RGS6: variants seen among roughly 807,000 people sequenced by gnomAD.
The protein encoded by RGS6 is regulator of G-protein signaling 6.
Under a neutral mutation model 78.5 loss-of-function variants are expected in RGS6, and 30 were observed. That is an observed-to-expected ratio of 0.38 (90% CI 0.29 to 0.52). The LOEUF is 0.52. Ranked by LOEUF, RGS6 falls within the 20% of genes least tolerant of loss-of-function variation. The pLI, the probability that RGS6 is intolerant of heterozygous loss-of-function variation, is 0.85. For missense variants in RGS6, 495 were observed against 609.7 expected (o/e 0.81, Z 1.98); for synonymous variants, 206 against 206.0 (o/e 1.00, Z 0.00).
At chr14:72,511,996 C>T (rs934437086) in intron 14 of RGS6, among the ~76,000 whole-genome samples, 1 of 152,166 alleles carries the variant, frequency 6.6e-6, no homozygotes, top group Admixed American at 6.5e-5. Flanking sequence ...GGAAGGAAGG[C>T]TCTCTGTGGC....
At chr14:71,997,426 T>C (rs1236548992) in intron 2 of RGS6, among the ~76,000 whole-genome samples, 1 of 152,230 alleles carries the variant, frequency 6.6e-6, no homozygotes, top group Non-Finnish European at 1.5e-5. Flanking sequence ...GGGTCAGGGC[T>C]TCATAGCCTA....
At chr14:71,885,789 C>T in the RGS6 span, among the ~76,000 whole-genome samples, 1 of 152,300 alleles carries the variant, frequency 6.6e-6, no homozygotes, top group African/African-American at 2.4e-5. Context: ...TTAGAGAAGA[C>T]CCTGTCCTTT....
At chr14:72,448,979 T>A (rs865987685) in intron 3 of RGS6, among the ~76,000 whole-genome samples, 31 of 152,332 alleles carry the variant, frequency 2.0e-4, no homozygotes, top group African/African-American at 7.5e-4. Flanking sequence ...AGTGCCCAGC[T>A]CTGGCCTGGT....
At position 72,146,092 on chromosome 14, in the gene RGS6, G is replaced by A. The variant is rs149639627; in HGVS notation, c.84+181217G>A. 6.3e-3 allele frequency among the ~76,000 whole-genome samples: 964 copies of A among 152,232 alleles called. 13 individuals are homozygous for A. The highest frequency in any genetic ancestry group is 0.022 in the African/African-American group (895 of 41,526). On this transcript the variant is annotated intron_variant, in intron 2 of 17. Transcript: ENST00000553525. Reference sequence around the variant, plus strand: ...GAACCTTCTTGCTCTATCATCTCATGGTGGAGGGCAGGAAAGCAAGAGAGC... The same window carrying A: ...GAACCTTCTTGCTCTATCATCTCATAGTGGAGGGCAGGAAAGCAAGAGAGC...
rs1167831473 is a variant in RGS6 at position 72,402,790 on chromosome 14, G to GTTTT, written c.184+50617_184+50620dup. 2.4e-3 allele frequency among the ~76,000 whole-genome samples: 179 copies of GTTTT among 75,808 alleles called. 2 individuals are homozygous for GTTTT. Among genetic ancestry groups the GTTTT allele is most frequent in the East Asian group, 7.2e-3 (16 of 2,210 alleles). The allele number at this position is 75,808 out of a possible 152,430, so 49.7% of individuals were successfully genotyped here. ...TTGTTTTATATTTTTTGTTTTTTTG[G>GTTTT]TTTTTTTTTTTTTTTTTTTTTTTTG... is the stretch of plus-strand genomic sequence containing the variant. On this transcript the variant is annotated intron_variant, in intron 3 of 17. Transcript: ENST00000553525.
intron 2 of RGS6, among the ~76,000 whole-genome samples, chr14:72,022,699 C>A (rs1295408309): frequency 2.9e-5 from 1 of 34,322 alleles, no homozygotes; most frequent in South Asian, 1.7e-3. Flanking sequence ...GACCCTGGTT[C>A]GCTCTTTCAC....
chr14:72,363,169 A>G (rs1046195151), intron 3 of RGS6, among the ~76,000 whole-genome samples: 6 of 152,192 alleles, frequency 3.9e-5, no homozygotes, highest in African/African-American at 1.4e-4. Flanking sequence ...GGCTGCTTTT[A>G]TCTCAAAGGT....
chr14:72,302,362 A>G (rs72721887), intron 2 of RGS6, among the ~76,000 whole-genome samples: 1 of 152,240 alleles, frequency 6.6e-6, no homozygotes, highest in African/African-American at 2.4e-5. Flanking sequence ...AACTCTTTCA[A>G]CCAGGGAACC....
chr14:72,508,264 G>A (rs2096833948), intron 13 of RGS6, among the ~76,000 whole-genome samples: 1 of 152,176 alleles, frequency 6.6e-6, no homozygotes, highest in African/African-American at 2.4e-5. Flanking sequence ...TATGTGTGTT[G>A]GTGAAGAAGT....
At chr14:72,199,346 A>G (rs1305316098) in intron 2 of RGS6, among the ~76,000 whole-genome samples, 1 of 152,252 alleles carries the variant, frequency 6.6e-6, no homozygotes, top group East Asian at 1.9e-4. Context: ...TGTCAGAATT[A>G]TAGAAGAGTT....
In RGS6 at chr14:71,974,718, T is replaced by G. The variant is rs1302295904; in HGVS notation, c.84+9843T>G. On this transcript the variant is annotated intron_variant, in intron 2 of 17. Coordinates refer to ENST00000553525, the MANE Select transcript of RGS6 (RefSeq NM_001204424.2). The stretch of plus-strand genomic sequence containing the variant: ...GTTAAATATGATGGTTATGTAGGTT[T>G]ACTCAAAAGTGATTTTTTCCATTGC... 2.0e-5 allele frequency among the ~76,000 whole-genome samples: 3 copies of G among 152,158 alleles called. No individual in the cohort carries two copies. The East Asian group carries it at 5.8e-4, about 29-fold the overall frequency.
chr14:72,463,159 G>C (rs1035847154), intron 6 of RGS6, among the ~76,000 whole-genome samples: 10 of 152,260 alleles, frequency 6.6e-5, no homozygotes, highest in African/African-American at 1.9e-4. Flanking sequence ...TGAGATGTGA[G>C]ATATAGGTAA....
chr14:72,150,456 G>C (rs2096668023), intron 2 of RGS6, among the ~76,000 whole-genome samples: 3 of 152,052 alleles, frequency 2.0e-5, no homozygotes, highest in Admixed American at 6.5e-5. Context: ...TATACACGAA[G>C]TTAGAGCCAG....
chr14:72,005,418 C>T (rs942627542), intron 2 of RGS6, among the ~76,000 whole-genome samples: 5 of 98,386 alleles, frequency 5.1e-5, no homozygotes, highest in Non-Finnish European at 2.1e-5. Context: ...TACATATTTC[C>T]AAGATTACAC....
chr14:72,121,815 T>G (rs1328604111), intron 2 of RGS6, among the ~76,000 whole-genome samples: 1 of 152,182 alleles, frequency 6.6e-6, no homozygotes, highest in Non-Finnish European at 1.5e-5. Flanking sequence ...TGGAACTGCA[T>G]CTTCACCATC....
rs927037240 is a variant in RGS6, at chr14:72,273,321, C to CT, written c.85-78765dup. Among the ~76,000 whole-genome samples, 12 of 151,498 alleles carry CT rather than the reference C, an allele frequency of 7.9e-5. No individual in the cohort carries two copies. In the South Asian group the frequency reaches 8.4e-4, roughly 11 times the overall value. ...ATTAGACAATCTCCTCCCTCACCAC[C>CT]TTTTTTTTTCTTTAATCAAAGAATT... On this transcript the variant is annotated intron_variant, in intron 2 of 17. Transcript: ENST00000553525.
intron 17 of RGS6, among the ~76,000 whole-genome samples, chr14:72,550,901 G>A (rs138516428): frequency 0.027 from 4,049 of 152,076 alleles, 98 homozygotes; most frequent in East Asian, 0.11. Context: ...GTGCAGTGGC[G>A]CAATCTCAGC....
rs191893974 is a variant in RGS6 at position 72,053,229 on chromosome 14, C to T, written c.84+88354C>T. 2.0e-3 allele frequency among the ~76,000 whole-genome samples: 297 copies of T among 150,318 alleles called. 1 individual carries two copies. Among genetic ancestry groups the T allele is most frequent in the Middle Eastern group, 6.8e-3 (2 of 294 alleles). On this transcript the variant is annotated intron_variant, in intron 2 of 17. Transcript: ENST00000553525. ...CCACCTCCCAGGTTCGAGCGATTCTCCTGCCTCAACCTCCCGAGTAGCTGG... is the reference window on the plus strand; with the variant it reads ...CCACCTCCCAGGTTCGAGCGATTCTTCTGCCTCAACCTCCCGAGTAGCTGG...
At chr14:72,428,652 G>A (rs1039719984) in intron 3 of RGS6, among the ~76,000 whole-genome samples, 2 of 152,126 alleles carry the variant, frequency 1.3e-5, no homozygotes, top group African/African-American at 4.8e-5. Context: ...CCTCTGGTTC[G>A]ACTCCATGTA....
Sources: gnomAD v4.1 joint callset for allele counts (sites outside exome capture counted in the v4.1 genomes callset) on GRCh38, gnomAD v4.1.1 for gene constraint, MANE v1.5 for transcripts, NCBI Gene and HGNC (gene_info 2026-07-23, HGNC 2026-07-21) for gene names.